ZNF444: variants seen among roughly 807,000 people sequenced by gnomAD.
ZNF444 encodes endothelial zinc finger protein 2.
In ZNF444, 8 loss-of-function variants were observed where a neutral mutation model predicts 14.4. That is an observed-to-expected ratio of 0.56 (90% CI 0.33 to 1.00). ZNF444 has a LOEUF of 1.00. Ranked by LOEUF, ZNF444 falls within the 50% of genes least tolerant of loss-of-function variation. The probability of loss-of-function intolerance (pLI) is 0.03; values close to 1 mark genes in which losing one functional copy is unlikely to be tolerated. For synonymous variants in ZNF444, 258 were observed against 235.9 expected (o/e 1.09, Z -0.86); for missense variants, 510 against 504.8 (o/e 1.01, Z -0.10).
intron 1 of ZNF444, chr19:56,142,426 A>G (rs1052428658): frequency 6.6e-6 from 1 of 152,068 alleles, no homozygotes; most frequent in Admixed American, 6.5e-5. Context: ...CTCAACCAGG[A>G]GTGGTTTTGT....
chr19:56,160,079 G>A lies in ZNF444; in HGVS notation c.862G>A (p.Gly288Arg). The A allele has an allele frequency of 2.0e-6, 3 of 1,500,890 alleles. No homozygotes were observed. Among genetic ancestry groups the A allele is most frequent in the Non-Finnish European group, 1.8e-6 (2 of 1,130,204 alleles). 93.0% of individuals were successfully genotyped at this position (1,500,890 alleles called of 1,614,324 possible). ...FACWECGKGF[G>R]RREHVLRHQR... ...CTGCTGGGAGTGTGGCAAGGGCTTCGGGCGCCGCGAGCACGTGCTGCGCCA... is the reference window on the plus strand; with the variant it reads ...CTGCTGGGAGTGTGGCAAGGGCTTCAGGCGCCGCGAGCACGTGCTGCGCCA... Residue 288 changes from glycine (G) to arginine (R), a missense_variant, in exon 5 of 5, where the codon GGG becomes AGG. Gly to Arg is a moderately radical substitution (Grantham distance 125, BLOSUM62 -2). Transcript: ENST00000337080.
chr19:56,159,663 A>G lies in ZNF444; in HGVS notation c.446A>G (p.Asp149Gly). 1 of 1,470,016 alleles carries G rather than the reference A, an allele frequency of 6.8e-7. No homozygotes were observed. Among genetic ancestry groups the G allele is most frequent in the Non-Finnish European group, 9.0e-7 (1 of 1,115,378 alleles). 91.1% of individuals were successfully genotyped at this position (1,470,016 alleles called of 1,614,324 possible). A position where few individuals can be genotyped will look rare whatever the true frequency, so the allele number is the denominator to read the frequency against. The change falls in exon 5 of 5, where the codon GAC (aspartate) becomes GGC (glycine). Residue 149 changes from aspartate (D) to glycine (G), a missense_variant. Physicochemically the swap from Asp to Gly is moderately conservative, Grantham distance 94. Transcript: ENST00000337080. ...GGGGCTGAGGGGCCGGCGCCTGGGG[A>G]CTCCCAGGCTGTGCGCCCCTACAAG... ...APGAEGPAPG[D>G]SQAVRPYKQE... is the part of the protein sequence containing the mutation.
chr19:56,154,583 A>G (rs1599895548), intron 3 of ZNF444: 1 of 136,860 alleles, frequency 7.3e-6, no homozygotes. Flanking sequence ...CAAGGCTGCC[A>G]CCCCCACCCC....
intron 4 of ZNF444, 41 bp from the exon 5 acceptor site, chr19:56,159,583 C>T: frequency 1.4e-6 from 2 of 1,415,784 alleles, no homozygotes; most frequent in Non-Finnish European, 1.8e-6. Flanking sequence ...CTTGCCCCGC[C>T]CTCGTGCCGA....
upstream of ZNF444, among the ~76,000 whole-genome samples, chr19:56,136,467 G>A (rs969102289): frequency 3.9e-5 from 6 of 152,222 alleles, no homozygotes; most frequent in African/African-American, 1.4e-4. Flanking sequence ...ACGGATGTGG[G>A]GAGGGAGGGA....
intron 3 of ZNF444, chr19:56,149,976 A>G (rs1296664616): frequency 1.9e-5 from 3 of 158,304 alleles, no homozygotes; most frequent in Admixed American, 1.9e-4. Context: ...GAGACAGCAG[A>G]TGACAGGTTC....
upstream of ZNF444, among the ~76,000 whole-genome samples, chr19:56,139,642 C>T (rs1269732599): frequency 6.6e-6 from 1 of 150,700 alleles, no homozygotes; most frequent in Non-Finnish European, 1.5e-5. Flanking sequence ...GCTGTGATCG[C>T]ACCACTGCAC....
chr19:56,159,771 G>T lies in ZNF444; in HGVS notation c.554G>T (p.Gly185Val), dbSNP rs1377509709. The T allele has an allele frequency of 1.9e-6, 3 of 1,593,262 alleles. No individual in the cohort carries two copies. Among genetic ancestry groups the T allele is most frequent in the South Asian group, 1.1e-5 (1 of 88,758 alleles). ...APGTTSCPEC[G>V]KTSLKPAHLL... ...GGCACCACGTCCTGCCCCGAGTGCG[G>T]CAAAACGTCCCTGAAACCAGCTCAC... is the stretch of plus-strand genomic sequence containing the variant. The change falls in exon 5 of 5, where the codon GGC becomes GTC. Residue 185 changes from glycine to valine, a missense_variant. Gly to Val is a moderately radical substitution (Grantham distance 109). Transcript: ENST00000337080.
chr19:56,136,504 C>T (rs1295007142), upstream of ZNF444, among the ~76,000 whole-genome samples: 1 of 152,134 alleles, frequency 6.6e-6, no homozygotes, highest in Non-Finnish European at 1.5e-5. Context: ...TTGAGCTGGG[C>T]TTGCTTTTAT....
Position 56,153,368 on chromosome 19 carries a change from T to C in ZNF444, c.298-5126T>C, listed in dbSNP as rs557302461. 1.5e-4 allele frequency among the ~76,000 whole-genome samples: 23 copies of C among 152,352 alleles called. 1 individual carries two copies. The South Asian group carries it at 3.9e-3, about 26-fold the overall frequency. ...TGGGGCCTTGTCTTTTGTTCAGTGATGTGTCCCTGGAGCTCAGGATGGTGC... is the reference window on the plus strand; with the variant it reads ...TGGGGCCTTGTCTTTTGTTCAGTGACGTGTCCCTGGAGCTCAGGATGGTGC... On this transcript the variant is annotated intron_variant, in intron 3 of 4. Coordinates refer to ENST00000337080, the MANE Select transcript of ZNF444 (RefSeq NM_018337.4).
At position 56,160,225 on chromosome 19, in the gene ZNF444, C is replaced by G. The variant is rs1456848969; in HGVS notation, c.*24C>G. The G allele has an allele frequency of 7.1e-7, 1 of 1,414,298 alleles. No individual in the cohort carries two copies. Among genetic ancestry groups the G allele is most frequent in the African/African-American group, 1.5e-5 (1 of 65,894 alleles). The allele number at this position is 1,414,298 out of a possible 1,614,324, so 87.6% of individuals were successfully genotyped here. On this transcript the variant is annotated 3_prime_UTR_variant, in exon 5 of 5. Coordinates refer to ENST00000337080, the MANE Select transcript of ZNF444 (RefSeq NM_018337.4). ...AGCCGCCTCCCGGCCAGCGCCATCT[C>G]CCGCCCTTGGTGCTGCCCCCGGGCG...
intron 1 of ZNF444, among the ~76,000 whole-genome samples, chr19:56,133,774 C>T (rs1422621351): frequency 5.5e-5 from 8 of 145,882 alleles, no homozygotes; most frequent in African/African-American, 1.5e-4. Flanking sequence ...GATCGCGCCA[C>T]TGCACTCCAG....
chr19:56,143,140 C>T (rs756969303), intron 1 of ZNF444, among the ~76,000 whole-genome samples: 2 of 152,172 alleles, frequency 1.3e-5, no homozygotes, highest in Non-Finnish European at 2.9e-5. Flanking sequence ...ACAGGGCGCT[C>T]ATTGGATGGT....
upstream of ZNF444, among the ~76,000 whole-genome samples, chr19:56,137,854 G>A (rs1460073519): frequency 6.6e-6 from 1 of 152,156 alleles, no homozygotes; most frequent in Non-Finnish European, 1.5e-5. Context: ...AGTTTCGGTG[G>A]CTCACGCCTG....
At chr19:56,158,320 C>T (rs1436544853) in intron 3 of ZNF444, 174 bp from the exon 4 acceptor site, 5 of 564,160 alleles carry the variant, frequency 8.9e-6, no homozygotes, top group Non-Finnish European at 1.5e-5. Context: ...TGGCAGGAGG[C>T]CTTGGTTCCT....
rs1304746336 is a variant in ZNF444 at position 56,141,435 on chromosome 19, G to T, written c.-197+78G>T. 7 of 123,302 alleles carry T rather than the reference G, an allele frequency of 5.7e-5. No homozygotes were observed. The Admixed American group carries it at 5.7e-4, about 10-fold the overall frequency. 7.6% of individuals were successfully genotyped at this position (123,302 alleles called of 1,614,324 possible). On this transcript the variant is annotated intron_variant, in intron 1 of 4. Transcript: ENST00000337080. ...AGGGACCAGAGGTTGGATGGGAAGA[G>T]GGGCGCCGGGGGCCTCAGGAGGGAA... is the stretch of plus-strand genomic sequence containing the variant.
Position 56,145,784 on chromosome 19 carries a change from C to T in ZNF444, c.-196-463C>T, listed in dbSNP as rs1208710826. Among the ~76,000 whole-genome samples the T allele has an allele frequency of 6.6e-6, 1 of 152,148 alleles. No individual in the cohort carries two copies. Among genetic ancestry groups the T allele is most frequent in the South Asian group, 2.1e-4 (1 of 4,818 alleles). The stretch of plus-strand genomic sequence containing the variant: ...CGTCATAGCTGTCATAGCGGAGCAC[C>T]GTGGACTGAACTGCTATGAGCTTAT... On this transcript the variant is annotated intron_variant, in intron 1 of 4. Transcript: ENST00000337080. This position sits in a 1 kb window ranked among gnomAD's most constrained non-coding sequence, Gnocchi z 4.3.
intron 3 of ZNF444, chr19:56,156,425 G>A (rs556877618): frequency 6.6e-6 from 1 of 152,384 alleles, no homozygotes; most frequent in Non-Finnish European, 1.5e-5. Context: ...CAAGGCCTGT[G>A]TGTTCAGACC....
chr19:56,133,676 G>A (rs1037439754), intron 1 of ZNF444, among the ~76,000 whole-genome samples: 1 of 151,582 alleles, frequency 6.6e-6, no homozygotes, highest in African/African-American at 2.4e-5. Flanking sequence ...AGCCGGGCGT[G>A]GTGGCGGGCA....
Sources: allele counts gnomAD v4.1 joint callset (sites outside exome capture counted in the v4.1 genomes callset), GRCh38; gene constraint gnomAD v4.1.1; non-coding constraint Gnocchi (gnomAD v3.1); transcripts MANE v1.5; gene names NCBI Gene and HGNC (gene_info 2026-07-23, HGNC 2026-07-21).